The following CAMK2D variants were observed in gnomAD, a reference collection of about 807,000 sequenced individuals.
CAMK2D encodes calcium/calmodulin-dependent protein kinase type II subunit delta.
In CAMK2D, 37 loss-of-function variants were observed where a neutral mutation model predicts 84.0. The observed-to-expected ratio is 0.44, with a 90% CI of 0.34 to 0.58. The LOEUF (loss-of-function observed/expected upper bound fraction) is 0.58, where lower values mean the gene tolerates loss of function less well. Among genes scored for constraint, CAMK2D ranks in the 20% least tolerant of loss-of-function variants. The pLI, the probability that CAMK2D is intolerant of heterozygous loss-of-function variation, is 0.02. For synonymous variants in CAMK2D, 202 were observed against 212.5 expected (o/e 0.95, Z 0.43); for missense variants, 448 against 652.5 (o/e 0.69, Z 3.41).
intron 18 of CAMK2D, among the ~76,000 whole-genome samples, chr4:113,459,895 G>A (rs961546713): frequency 1.7e-4 from 26 of 152,000 alleles, no homozygotes; most frequent in Admixed American, 1.7e-3. Flanking sequence ...AAAGCACTGG[G>A]ATTACAGGCA....
chr4:113,510,478 T>TAACA (rs1233984128), intron 12 of CAMK2D, among the ~76,000 whole-genome samples: 1 of 152,158 alleles, frequency 6.6e-6, no homozygotes, highest in Non-Finnish European at 1.5e-5. Flanking sequence ...AGGGAGCTTT[T>TAACA]AACATTCCTT....
intron 16 of CAMK2D, among the ~76,000 whole-genome samples, chr4:113,494,821 G>C (rs185017145): frequency 0.029 from 4,417 of 152,294 alleles, 216 homozygotes; most frequent in African/African-American, 0.098. Flanking sequence ...CTCCGAGCCA[G>C]GTGCGGGATA....
chr4:113,558,744 C>T (rs928799698), intron 4 of CAMK2D, among the ~76,000 whole-genome samples: 7 of 152,056 alleles, frequency 4.6e-5, no homozygotes, highest in African/African-American at 1.2e-4. Context: ...TGGTGGCTCA[C>T]GCCTATACTC....
chr4:113,652,420 C>T (rs933377255), intron 3 of CAMK2D, among the ~76,000 whole-genome samples: 1 of 152,092 alleles, frequency 6.6e-6, no homozygotes, highest in Admixed American at 6.5e-5. Flanking sequence ...CATCTTAATA[C>T]AAGTACTTAC....
At chr4:113,635,289 G>A (rs1232382814) in intron 3 of CAMK2D, among the ~76,000 whole-genome samples, 2 of 152,064 alleles carry the variant, frequency 1.3e-5, no homozygotes, top group Admixed American at 6.6e-5. Context: ...AACATATATT[G>A]TGTGATATAT....
intron 8 of CAMK2D, among the ~76,000 whole-genome samples, chr4:113,518,763 G>C (rs1449752220): frequency 6.6e-6 from 1 of 152,104 alleles, no homozygotes; most frequent in African/African-American, 2.4e-5. Context: ...GTACCTAGGA[G>C]ATCTATCCCT....
intron 2 of CAMK2D, among the ~76,000 whole-genome samples, chr4:113,710,583 A>G (rs186176189): frequency 6.6e-6 from 1 of 152,302 alleles, no homozygotes; most frequent in Admixed American, 6.5e-5. Context: ...AGGGATAATT[A>G]TTTAGATTGA....
At chr4:113,535,895 C>T (rs773815587) in intron 7 of CAMK2D, among the ~76,000 whole-genome samples, 16 of 152,174 alleles carry the variant, frequency 1.1e-4, no homozygotes, top group Non-Finnish European at 2.4e-4. Context: ...GATACAAAAG[C>T]CTTAGCTCCT....
chr4:113,742,665 G>T (rs979064914), intron 2 of CAMK2D, among the ~76,000 whole-genome samples: 1 of 151,664 alleles, frequency 6.6e-6, no homozygotes, highest in African/African-American at 2.4e-5. Flanking sequence ...AAAGGTATTA[G>T]GAATACCAAT....
At chr4:113,689,025 A>T (rs1053581980) in intron 2 of CAMK2D, among the ~76,000 whole-genome samples, 2 of 151,402 alleles carry the variant, frequency 1.3e-5, no homozygotes, top group Non-Finnish European at 2.9e-5. Context: ...CGGGCAGATC[A>T]CGAGGTCAAG....
intron 16 of CAMK2D, among the ~76,000 whole-genome samples, chr4:113,489,453 C>T (rs544625501): frequency 7.2e-5 from 11 of 152,100 alleles, no homozygotes; most frequent in Admixed American, 1.3e-4. Flanking sequence ...ATCCATGTCC[C>T]TACAAAGGAC....
chr4:113,490,585 C>T (rs1030445694), intron 16 of CAMK2D, among the ~76,000 whole-genome samples: 1 of 148,844 alleles, frequency 6.7e-6, no homozygotes, highest in Admixed American at 6.7e-5. Flanking sequence ...GTGATGCCTC[C>T]AGCTTTGTTC....
chr4:113,746,928 C>T (rs567247445), intron 2 of CAMK2D, among the ~76,000 whole-genome samples: 72 of 147,682 alleles, frequency 4.9e-4, no homozygotes, highest in Middle Eastern at 3.5e-3. Context: ...TTCTGCTCTA[C>T]TCCCAAAGTT....
In CAMK2D at chr4:113,485,113, G is replaced by C. The variant is rs796853153; in HGVS notation, c.1135+15350C>G. ...ATTTAACCTCTCTAAGCTTCAGATTGTTCTTTTGAAAGACTGGGTTAATAA... is the reference window on the plus strand; with the variant it reads ...ATTTAACCTCTCTAAGCTTCAGATTCTTCTTTTGAAAGACTGGGTTAATAA... On this transcript the variant is annotated intron_variant, in intron 16 of 20. Coordinates refer to ENST00000511664, the MANE Select transcript of CAMK2D (RefSeq NM_001321571.2). Among the ~76,000 whole-genome samples, 89 of 152,272 alleles carry C rather than the reference G, an allele frequency of 5.8e-4. 3 individuals are homozygous for C. Among genetic ancestry groups the C allele is most frequent in the African/African-American group, 1.9e-3 (81 of 41,566 alleles).
intron 12 of CAMK2D, among the ~76,000 whole-genome samples, chr4:113,511,399 A>G (rs568871037): frequency 1.3e-5 from 2 of 152,330 alleles, no homozygotes; most frequent in Middle Eastern, 3.4e-3. Context: ...GATGAAAAGG[A>G]AACTGTGAGG....
At chr4:113,736,458 T>C (rs1358031054) in intron 2 of CAMK2D, among the ~76,000 whole-genome samples, 1 of 152,208 alleles carries the variant, frequency 6.6e-6, no homozygotes, top group Non-Finnish European at 1.5e-5. Context: ...CTGGATTTTG[T>C]CAAAGTTTGT....
intron 2 of CAMK2D, among the ~76,000 whole-genome samples, chr4:113,728,813 T>C (rs1005335427): frequency 6.6e-6 from 1 of 152,064 alleles, no homozygotes; most frequent in Non-Finnish European, 1.5e-5. Context: ...GAAGATCAAA[T>C]GAGATAATGG....
chr4:113,636,853 C>A (rs1016449050), intron 3 of CAMK2D, among the ~76,000 whole-genome samples: 1 of 152,238 alleles, frequency 6.6e-6, no homozygotes, highest in Admixed American at 6.5e-5. Flanking sequence ...GAGGTGGGCA[C>A]AAACATTCAG....
chr4:113,648,666 C>T lies in CAMK2D; in HGVS notation c.220+13047G>A, dbSNP rs376390613. 1.9e-4 allele frequency among the ~76,000 whole-genome samples: 29 copies of T among 152,270 alleles called. No homozygotes were observed. The East Asian group carries it at 3.1e-3, about 16-fold the overall frequency. ...TAGGTGGTGATGGAGTTGCTACAGA[C>T]GTTATGTTGCTTTTTCAGCAGATAC... On this transcript the variant is annotated intron_variant, in intron 3 of 20. Transcript: ENST00000511664.
Sources: allele counts gnomAD v4.1 joint callset (sites outside exome capture counted in the v4.1 genomes callset), GRCh38; gene constraint gnomAD v4.1.1; transcripts MANE v1.5; gene names NCBI Gene and HGNC (gene_info 2026-07-23, HGNC 2026-07-21).